Variants in EXOC4 observed in about 807,000 individuals in gnomAD.
EXOC4 encodes SEC8-like 1.
A neutral mutation model predicts 107.2 loss-of-function variants in EXOC4; 71 were observed. The ratio of observed to expected loss-of-function variants is 0.66; its 90% CI spans 0.55 to 0.81. The LOEUF (loss-of-function observed/expected upper bound fraction) is 0.81, where lower values mean the gene tolerates loss of function less well. Among genes scored for constraint, EXOC4 ranks in the 30% least tolerant of loss-of-function variants. The probability of loss-of-function intolerance (pLI) is 0.00; values close to 1 mark genes in which losing one functional copy is unlikely to be tolerated. For synonymous variants in EXOC4, 456 were observed against 441.2 expected, an observed-to-expected ratio of 1.03 and a Z score of -0.42; for missense variants, 1,108 against 1,189.6, an observed-to-expected ratio of 0.93 and a Z score of 1.01.
At chr7:133,852,225 ATTT>A (rs5887646) in intron 11 of EXOC4, among the ~76,000 whole-genome samples, 2,675 of 141,802 alleles carry the variant, frequency 0.019, 80 homozygotes, top group African/African-American at 0.064. Flanking sequence ...TGTATAGAGC[ATTT>A]TTTTTTTTTT....
intron 10 of EXOC4, among the ~76,000 whole-genome samples, chr7:133,783,307 G>A (rs1796504804): frequency 6.6e-6 from 1 of 152,174 alleles, no homozygotes; most frequent in South Asian, 2.1e-4. Flanking sequence ...AAGGCCAGCT[G>A]TAGTTGGACA....
At chr7:133,747,905 C>T (rs572214610) in intron 10 of EXOC4, among the ~76,000 whole-genome samples, 6 of 152,106 alleles carry the variant, frequency 3.9e-5, no homozygotes, top group South Asian at 2.1e-4. Flanking sequence ...CTTGCCTATC[C>T]GTACCATCAC....
Position 133,303,472 on chromosome 7 carries a change from A to G in EXOC4, c.472-2405A>G, listed in dbSNP as rs190810014. Among the ~76,000 whole-genome samples the G allele has an allele frequency of 2.2e-3, 335 of 152,336 alleles. 4 individuals carry two copies. Among genetic ancestry groups the G allele is most frequent in the African/African-American group, 7.8e-3 (323 of 41,588 alleles). On this transcript the variant is annotated intron_variant, in intron 3 of 17. Coordinates refer to ENST00000253861, the MANE Select transcript of EXOC4 (RefSeq NM_021807.4). ...AAAGATAAATGTTAGGTTTCTAAAC[A>G]TATATTCTAGAGAGCAAATGTTGCA...
At chr7:133,438,684 C>A (rs866782735) in intron 7 of EXOC4, among the ~76,000 whole-genome samples, 1 of 152,186 alleles carries the variant, frequency 6.6e-6, no homozygotes, top group African/African-American at 2.4e-5. Context: ...CTATGACTAC[C>A]ACCTGCTAAC....
At chr7:133,343,878 A>G (rs184340373) in intron 5 of EXOC4, among the ~76,000 whole-genome samples, 2 of 151,686 alleles carry the variant, frequency 1.3e-5, no homozygotes, top group Admixed American at 1.3e-4. Context: ...CAGTGGTGCA[A>G]TCATACCTCT....
intron 9 of EXOC4, among the ~76,000 whole-genome samples, chr7:133,505,661 A>T (rs1799653261): frequency 6.6e-6 from 1 of 152,178 alleles, no homozygotes; most frequent in Admixed American, 6.5e-5. Context: ...GATTCTTCTA[A>T]GAATTTACTA....
chr7:133,309,434 G>T (rs1794821649), intron 4 of EXOC4, among the ~76,000 whole-genome samples: 1 of 152,082 alleles, frequency 6.6e-6, no homozygotes, highest in African/African-American at 2.4e-5. Flanking sequence ...TCTCAGATAT[G>T]AATTTATAAT....
In EXOC4 at chr7:133,379,663, C is replaced by T. The variant is rs902592794; in HGVS notation, c.1182+4661C>T. On this transcript the variant is annotated intron_variant, in intron 7 of 17. Transcript: ENST00000253861. ...TGTGAATAAGTTTTTATGACCCCCCCCCATCTTTGGCTTTTACTTATGTTC... is the reference window on the plus strand; with the variant it reads ...TGTGAATAAGTTTTTATGACCCCCCTCCATCTTTGGCTTTTACTTATGTTC... 2.6e-5 allele frequency among the ~76,000 whole-genome samples: 4 copies of T among 152,092 alleles called. No homozygotes were observed. The East Asian group carries it at 7.7e-4, about 29-fold the overall frequency.
At chr7:133,567,896 C>T (rs928774300) in intron 9 of EXOC4, among the ~76,000 whole-genome samples, 1 of 152,186 alleles carries the variant, frequency 6.6e-6, no homozygotes, top group Non-Finnish European at 1.5e-5. Context: ...AAGGTTCTAC[C>T]TGTCAACCCT....
At chr7:133,443,697 G>A (rs1464363500) in intron 7 of EXOC4, among the ~76,000 whole-genome samples, 2 of 152,070 alleles carry the variant, frequency 1.3e-5, no homozygotes, top group Non-Finnish European at 2.9e-5. Context: ...CATTTTCCTG[G>A]CTGTGATGAG....
intron 10 of EXOC4, among the ~76,000 whole-genome samples, chr7:133,778,557 C>T (rs1400514616): frequency 6.6e-6 from 1 of 152,200 alleles, no homozygotes; most frequent in Non-Finnish European, 1.5e-5. Flanking sequence ...GCACTCCAGC[C>T]TGGGCAAGAG....
chr7:133,611,461 C>T (rs775502928), intron 9 of EXOC4, among the ~76,000 whole-genome samples: 8 of 152,122 alleles, frequency 5.3e-5, no homozygotes, highest in African/African-American at 1.2e-4. Context: ...TTGTGTCACT[C>T]GCCTGCTCTA....
At chr7:133,389,850 A>T (rs1415365998) in intron 7 of EXOC4, among the ~76,000 whole-genome samples, 1 of 151,896 alleles carries the variant, frequency 6.6e-6, no homozygotes, top group Admixed American at 6.6e-5. Flanking sequence ...ATCATGGCGG[A>T]ACGCAAGGAG....
chr7:133,500,017 C>T (rs1293260143), intron 9 of EXOC4, among the ~76,000 whole-genome samples: 1 of 151,624 alleles, frequency 6.6e-6, no homozygotes, highest in Non-Finnish European at 1.5e-5. Flanking sequence ...AAACATGGCT[C>T]ATGGAGGTTA....
intron 15 of EXOC4, among the ~76,000 whole-genome samples, chr7:134,002,511 T>G (rs1045919496): frequency 1.3e-5 from 2 of 152,092 alleles, no homozygotes; most frequent in Non-Finnish European, 2.9e-5. Flanking sequence ...TGATAGACAT[T>G]GTCAAGGTTA....
At chr7:133,701,115 C>T (rs1239657865) in intron 10 of EXOC4, among the ~76,000 whole-genome samples, 1 of 151,960 alleles carries the variant, frequency 6.6e-6, no homozygotes, top group Non-Finnish European at 1.5e-5. Context: ...GGTATTCCAC[C>T]AAAGTTAAAA....
chr7:133,676,959 G>GTGCGTGTGTA (rs1554382532), intron 10 of EXOC4, among the ~76,000 whole-genome samples: 1 of 138,670 alleles, frequency 7.2e-6, no homozygotes, highest in Admixed American at 7.4e-5. Flanking sequence ...GTGTGTGTAT[G>GTGCGTGTGTA]TGTGTGTGTG....
chr7:133,817,289 A>G (rs1797394636), intron 10 of EXOC4, 36 bp from the exon 11 acceptor site: 5 of 1,466,554 alleles, frequency 3.4e-6, no homozygotes, highest in Non-Finnish European at 4.8e-6. Context: ...CATTTTCCTC[A>G]TAAATTTAAT....
chr7:133,597,539 AG>A (rs1403400324), intron 9 of EXOC4, among the ~76,000 whole-genome samples: 3 of 139,474 alleles, frequency 2.2e-5, no homozygotes, highest in African/African-American at 8.3e-5. Flanking sequence ...GGGCAAGAAG[AG>A]CGAAACTCTG....
Sources: allele counts gnomAD v4.1 joint callset (sites outside exome capture counted in the v4.1 genomes callset), GRCh38; gene constraint gnomAD v4.1.1; transcripts MANE v1.5; gene names NCBI Gene and HGNC (gene_info 2026-07-23, HGNC 2026-07-21).